The following ANKFN1 variants were observed in gnomAD, a reference collection of about 807,000 sequenced individuals.
ANKFN1 encodes the protein ankyrin repeat and fibronectin type III domain containing 1, also known as ankyrin repeat and fibronectin type-III domain-containing protein 1.
A neutral mutation model predicts 108.7 loss-of-function variants in ANKFN1; 74 were observed. The observed-to-expected ratio is 0.68, with a 90% CI of 0.56 to 0.83. The LOEUF is 0.83. Among genes scored for constraint, ANKFN1 ranks in the 40% least tolerant of loss-of-function variants. The pLI is 0.00. For missense variants in ANKFN1, 1,505 were observed against 1,382.3 expected, an observed-to-expected ratio of 1.09 and a Z score of -1.41; for synonymous variants, 547 against 516.2, an observed-to-expected ratio of 1.06 and a Z score of -0.81.
intron 4 of ANKFN1, among the ~76,000 whole-genome samples, chr17:56,102,336 A>T (rs938079735): frequency 5.9e-5 from 9 of 152,148 alleles, no homozygotes; most frequent in African/African-American, 2.2e-4. Context: ...ACTAGACTAT[A>T]CTAGTCTATA....
At chr17:56,047,485 T>A (rs1325771951) in intron 4 of ANKFN1, among the ~76,000 whole-genome samples, 2 of 152,056 alleles carry the variant, frequency 1.3e-5, no homozygotes, top group Non-Finnish European at 2.9e-5. Context: ...AGGAGTGGCG[T>A]GGTTGGCTGG....
At position 56,238,964 on chromosome 17, in the gene ANKFN1, A is replaced by T. The variant is rs145020808; in HGVS notation, c.53+11007A>T. Reference sequence around the variant, plus strand: ...TTTTTTTTCTCAAGTTACAATTTTTAAAAAATCTGTTTTAGACTTTTGCCA... The same window carrying T: ...TTTTTTTTCTCAAGTTACAATTTTTTAAAAATCTGTTTTAGACTTTTGCCA... On this transcript the variant is annotated intron_variant, in intron 3 of 20. Coordinates refer to ENST00000682825, the MANE Select transcript of ANKFN1 (RefSeq NM_001370326.1). Among the ~76,000 whole-genome samples the T allele has an allele frequency of 7.2e-5, 11 of 152,222 alleles. No individual in the cohort carries two copies. The East Asian group carries it at 1.9e-3, about 27-fold the overall frequency.
chr17:56,268,316 G>T (rs569319481), intron 3 of ANKFN1, among the ~76,000 whole-genome samples: 1 of 152,274 alleles, frequency 6.6e-6, no homozygotes, highest in Admixed American at 6.5e-5. Flanking sequence ...TAAGCAATCT[G>T]CTCCTGAATG....
In ANKFN1 at chr17:56,234,214, A is replaced by G. The variant is rs1448272758; in HGVS notation, c.53+6257A>G. On this transcript the variant is annotated intron_variant, in intron 3 of 20. Coordinates refer to ENST00000682825, the MANE Select transcript of ANKFN1 (RefSeq NM_001370326.1). ...ATGTGTAATTAGGAAGATGTGCAGT[A>G]ACACACCTTTATATGGTATTCACAC... Among the ~76,000 whole-genome samples the G allele has an allele frequency of 2.0e-5, 3 of 152,190 alleles. No individual in the cohort carries two copies. The South Asian group carries it at 6.2e-4, about 31-fold the overall frequency.
intron 4 of ANKFN1, among the ~76,000 whole-genome samples, chr17:56,074,344 A>G (rs1359384682): frequency 6.6e-6 from 1 of 152,218 alleles, no homozygotes; most frequent in Non-Finnish European, 1.5e-5. Flanking sequence ...TGAATGATCA[A>G]TGAGTCTCCA....
rs144732097 is a variant in ANKFN1, at chr17:56,224,177, A to G, written c.13-3740A>G. On this transcript the variant is annotated intron_variant, in intron 2 of 20. Transcript: ENST00000682825. Reference sequence around the variant, plus strand: ...CACTTGATCAAAGCAAAGAGGAGATACACTATTCATAAATTATTTTTATTG... The same window carrying G: ...CACTTGATCAAAGCAAAGAGGAGATGCACTATTCATAAATTATTTTTATTG... Among the ~76,000 whole-genome samples the G allele has an allele frequency of 1.7e-3, 262 of 152,358 alleles. 3 individuals are homozygous for G. Among genetic ancestry groups the G allele is most frequent in the African/African-American group, 6.0e-3 (249 of 41,584 alleles).
At chr17:56,160,790 C>G (rs1297371545) in intron 1 of ANKFN1, among the ~76,000 whole-genome samples, 1 of 152,200 alleles carries the variant, frequency 6.6e-6, no homozygotes. Flanking sequence ...GTAGAGACTG[C>G]TGCCAAAGCT....
At position 56,128,844 on chromosome 17, in the gene ANKFN1, G is replaced by A. The variant is rs1907096873; in HGVS notation, c.288+82519G>A. 2.0e-5 allele frequency among the ~76,000 whole-genome samples: 3 copies of A among 152,172 alleles called. No individual in the cohort carries two copies. In the South Asian group the frequency reaches 6.2e-4, roughly 31 times the overall value. Reference sequence around the variant, plus strand: ...TAAACTCTTGGAACTGCTTAGAAGGGATAACCTCAACTTATTGATGGATTT... The same window carrying A: ...TAAACTCTTGGAACTGCTTAGAAGGAATAACCTCAACTTATTGATGGATTT... On this transcript the variant is annotated intron_variant, in intron 4 of 12. Transcript: ENST00000635860.
intron 4 of ANKFN1, among the ~76,000 whole-genome samples, chr17:56,077,356 C>T (rs1052061646): frequency 6.6e-6 from 1 of 152,132 alleles, no homozygotes; most frequent in South Asian, 2.1e-4. Context: ...CTAGGATGCC[C>T]TTCATGGATA....
At chr17:56,177,616 T>C (rs1911291870) in intron 1 of ANKFN1, among the ~76,000 whole-genome samples, 1 of 152,218 alleles carries the variant, frequency 6.6e-6, no homozygotes, top group Non-Finnish European at 1.5e-5. Flanking sequence ...GGAATCAGAA[T>C]GTGCCTCACA....
At chr17:56,410,714 G>A (rs77612888) in intron 8 of ANKFN1, among the ~76,000 whole-genome samples, 3,202 of 152,032 alleles carry the variant, frequency 0.021, 116 homozygotes, top group African/African-American at 0.071. Context: ...CCCCACCACC[G>A]TCTCTCTGCC....
intron 8 of ANKFN1, among the ~76,000 whole-genome samples, chr17:56,430,191 G>A (rs1186999075): frequency 5.9e-5 from 9 of 152,070 alleles, no homozygotes. Flanking sequence ...CTACAACCTA[G>A]CTGATCAATA....
rs115011587 is a variant in ANKFN1, at chr17:56,453,038, G to A, written c.1208-3823G>A. Among the ~76,000 whole-genome samples the A allele has an allele frequency of 8.8e-3, 1,332 of 152,190 alleles. 17 individuals are homozygous for A. Among genetic ancestry groups the A allele is most frequent in the African/African-American group, 0.03 (1,234 of 41,526 alleles). Reference sequence around the variant, plus strand: ...AAACAGTTTTATTATTTTCTTAAAAGCAATTTCTTCCTTCTTCCATTTTTT... The same window carrying A: ...AAACAGTTTTATTATTTTCTTAAAAACAATTTCTTCCTTCTTCCATTTTTT... On this transcript the variant is annotated intron_variant, in intron 11 of 20. Transcript: ENST00000682825.
intron 8 of ANKFN1, among the ~76,000 whole-genome samples, chr17:56,381,716 C>A (rs113079000): frequency 2.6e-5 from 4 of 151,854 alleles, no homozygotes; most frequent in African/African-American, 9.7e-5. Flanking sequence ...TGAAATGAAG[C>A]GAGAAGGGAA....
intron 11 of ANKFN1, among the ~76,000 whole-genome samples, chr17:56,452,814 A>G (rs1272037760): frequency 3.9e-5 from 6 of 152,122 alleles, no homozygotes; most frequent in Admixed American, 3.3e-4. Context: ...AGCTATATAT[A>G]ACTATAATGT....
At chr17:56,469,656 C>CA (rs1344730473) in intron 15 of ANKFN1, among the ~76,000 whole-genome samples, 2 of 151,924 alleles carry the variant, frequency 1.3e-5, no homozygotes, top group Non-Finnish European at 2.9e-5. Context: ...TCCTCCTCTG[C>CA]AAAAAACCTA....
At chr17:56,467,366 A>T (rs941832139) in intron 15 of ANKFN1, among the ~76,000 whole-genome samples, 6 of 152,004 alleles carry the variant, frequency 3.9e-5, no homozygotes, top group Admixed American at 6.6e-5. Flanking sequence ...GACAGGCATG[A>T]TTAAGTCCAT....
chr17:56,453,360 C>T (rs1267856909), intron 11 of ANKFN1, among the ~76,000 whole-genome samples: 1 of 151,612 alleles, frequency 6.6e-6, no homozygotes, highest in African/African-American at 2.4e-5. Flanking sequence ...TTTTGTTTTC[C>T]CTGTAGTTAA....
At chr17:56,237,237 C>G (rs1917222126) in intron 3 of ANKFN1, among the ~76,000 whole-genome samples, 1 of 152,110 alleles carries the variant, frequency 6.6e-6, no homozygotes, top group Non-Finnish European at 1.5e-5. Flanking sequence ...TGTTGTGTCT[C>G]TACCAAGTTT....
Sources: allele counts gnomAD v4.1 joint callset (sites outside exome capture counted in the v4.1 genomes callset), GRCh38; gene constraint gnomAD v4.1.1; transcripts MANE v1.5; gene names NCBI Gene and HGNC (gene_info 2026-07-23, HGNC 2026-07-21).